KMT2E: variants seen among roughly 807,000 people sequenced by gnomAD.
KMT2E encodes the protein histone reader KMT2E.
Under a neutral mutation model 184.6 loss-of-function variants are expected in KMT2E, and 30 were observed. That is an observed-to-expected ratio of 0.16 (90% CI 0.12 to 0.22). The LOEUF (loss-of-function observed/expected upper bound fraction) is 0.22, where lower values mean the gene tolerates loss of function less well. Ranked by LOEUF, KMT2E falls within the 10% of genes least tolerant of loss-of-function variation. The pLI is 1.00. For synonymous variants in KMT2E, 815 were observed against 776.5 expected (o/e 1.05, Z -0.82); for missense variants, 2,023 against 2,237.4 (o/e 0.90, Z 1.93).
chr7:105,033,083 AC>A (rs1231120791), intron 1 of KMT2E, among the ~76,000 whole-genome samples: 1 of 152,214 alleles, frequency 6.6e-6, no homozygotes, highest in Non-Finnish European at 1.5e-5. Context: ...TGCCTACTCT[AC>A]CCATTGGCAG....
chr7:105,038,851 A>T (rs1795770376), intron 2 of KMT2E, among the ~76,000 whole-genome samples: 1 of 152,278 alleles, frequency 6.6e-6, no homozygotes, highest in Admixed American at 6.5e-5. Flanking sequence ...CAAATAGTGA[A>T]ATACTTGCCT....
intron 3 of KMT2E, among the ~76,000 whole-genome samples, chr7:105,049,760 C>T (rs1170580656): frequency 6.6e-6 from 1 of 151,896 alleles, no homozygotes; most frequent in Non-Finnish European, 1.5e-5. Flanking sequence ...GCTGTAGTGG[C>T]GGGCGCCTGT....
rs1799481452 is a variant in KMT2E, at chr7:105,114,103, A to C, written c.*770A>C. 6.6e-6 allele frequency: 1 copy of C among 152,596 alleles called. No homozygotes were observed. Among genetic ancestry groups the C allele is most frequent in the Non-Finnish European group, 1.5e-5 (1 of 68,046 alleles). The allele number at this position is 152,596 out of a possible 1,614,324, so 9.5% of individuals were successfully genotyped here. ...CAGTTTTACCAGATTGTCCTGTACA[A>C]CTTCTAAGATCGGGATCTGTGTGTT... On this transcript the variant is annotated 3_prime_UTR_variant, in exon 27 of 27. Transcript: ENST00000311117.
chr7:105,097,792 AGTTAC>A (rs1798476108), intron 15 of KMT2E, among the ~76,000 whole-genome samples: 1 of 152,204 alleles, frequency 6.6e-6, no homozygotes, highest in South Asian at 2.1e-4. Context: ...GCTTCCAGTT[AGTTAC>A]ATGTCTTTAA....
chr7:105,110,961 T>A, intron 26 of KMT2E, 93 bp downstream of exon 26: 1 of 846,366 alleles, frequency 1.2e-6, no homozygotes, highest in Non-Finnish European at 2.0e-6. Context: ...TTCTGCTGTA[T>A]CAAGTATCAA....
Position 105,113,436 on chromosome 7 carries a change from A to G in KMT2E, c.*103A>G, listed in dbSNP as rs1467064239. 1.1e-5 allele frequency: 14 copies of G among 1,240,696 alleles called. No individual in the cohort carries two copies. Among genetic ancestry groups the G allele is most frequent in the Non-Finnish European group, 1.4e-5 (13 of 922,190 alleles). The allele number at this position is 1,240,696 out of a possible 1,614,324, so 76.9% of individuals were successfully genotyped here. On this transcript the variant is annotated 3_prime_UTR_variant, in exon 27 of 27. Transcript: ENST00000311117. Reference sequence around the variant, plus strand: ...TTAAAGCTTGTACATGAACCTTTGTATAAAAAACACCAGTGCTCTTTCGTT... The same window carrying G: ...TTAAAGCTTGTACATGAACCTTTGTGTAAAAAACACCAGTGCTCTTTCGTT...
In KMT2E at chr7:105,112,487, T is replaced by G; in HGVS notation, c.4731T>G (p.Ser1577=). 6.2e-7 allele frequency: 1 copy of G among 1,614,082 alleles called. No homozygotes were observed. Among genetic ancestry groups the G allele is most frequent in the Non-Finnish European group, 8.5e-7 (1 of 1,180,018 alleles). Reference sequence around the variant, plus strand: ...ATAATCAGCTCAAAGGTAGTCTTTCTCAACAAACTGTGTTTACATCAGGAC... The same window carrying G: ...ATAATCAGCTCAAAGGTAGTCTTTCGCAACAAACTGTGTTTACATCAGGAC... ...QNYNQLKGSL[S]QQTVFTSGPN... The change falls in exon 27 of 27, where the codon TCT becomes TCG. Residue 1577 remains serine, a synonymous_variant. Coordinates refer to ENST00000311117, the MANE Select transcript of KMT2E (RefSeq NM_182931.3).
intron 1 of KMT2E, among the ~76,000 whole-genome samples, chr7:105,027,268 T>C (rs1795212950): frequency 6.6e-6 from 1 of 151,928 alleles, no homozygotes; most frequent in South Asian, 2.1e-4. Flanking sequence ...AAATTTTTTT[T>C]TGTAGAGATA....
chr7:105,037,757 T>C (rs111453595), intron 1 of KMT2E, among the ~76,000 whole-genome samples: 1 of 152,228 alleles, frequency 6.6e-6, no homozygotes, highest in Non-Finnish European at 1.5e-5. Flanking sequence ...TTTTTGCCTT[T>C]TACTTCATTT....
Position 105,043,531 on chromosome 7 carries a change from C to T in KMT2E, c.71+2508C>T, listed in dbSNP as rs1029992748. Among the ~76,000 whole-genome samples, 8 of 152,116 alleles carry T rather than the reference C, an allele frequency of 5.3e-5. No individual in the cohort carries two copies. In the East Asian group the frequency reaches 5.8e-4, roughly 11 times the overall value. ...GATTACAGGCGTGAGCCACCGCGCC[C>T]GGCCACTTACTTAAATTTCTGCATT... On this transcript the variant is annotated intron_variant, in intron 3 of 26. Transcript: ENST00000311117.
At position 105,020,460 on chromosome 7, in the gene KMT2E, C is replaced by G. The variant is rs764954240; in HGVS notation, c.-189+5925C>G. Among the ~76,000 whole-genome samples, 50 of 151,954 alleles carry G rather than the reference C, an allele frequency of 3.3e-4. 1 individual carries two copies. The highest frequency in any genetic ancestry group is 7.4e-5 in the Non-Finnish European group (5 of 68,000). Reference sequence around the variant, plus strand: ...ATTAGCTGGGCTTGGTGGCGGGTGCCTGTAATCCCAGCTACTTGGGAGGCT... The same window carrying G: ...ATTAGCTGGGCTTGGTGGCGGGTGCGTGTAATCCCAGCTACTTGGGAGGCT... On this transcript the variant is annotated intron_variant, in intron 1 of 26. Transcript: ENST00000311117.
intron 1 of KMT2E, among the ~76,000 whole-genome samples, chr7:105,023,220 C>T (rs1009403157): frequency 6.6e-6 from 1 of 151,694 alleles, no homozygotes; most frequent in Admixed American, 6.6e-5. Context: ...ATAAAAAAAT[C>T]CATTACCCCG....
rs66946883 is a variant in KMT2E, at chr7:105,064,164, G to GTTTTTTTTTTT, written c.416+602_416+612dup. On this transcript the variant is annotated intron_variant, in intron 5 of 26. Transcript: ENST00000311117. ...GGTTTTGTATCATTTTTTTTTCTTG[G>GTTTTTTTTTTT]TTTTTTTTTTTTTTTTTTTTTTTTT... 77 of 76,152 alleles carry GTTTTTTTTTTT rather than the reference G, an allele frequency of 1.0e-3. 4 individuals are homozygous for GTTTTTTTTTTT. The highest frequency in any genetic ancestry group is 4.4e-3 in the East Asian group (6 of 1,366). The allele number at this position is 76,152 out of a possible 1,614,324, so 4.7% of individuals were successfully genotyped here. A position where few individuals can be genotyped will look rare whatever the true frequency, so the allele number is the denominator to read the frequency against.
intron 15 of KMT2E, among the ~76,000 whole-genome samples, chr7:105,096,778 G>A (rs1798429397): frequency 6.6e-6 from 1 of 152,230 alleles, no homozygotes; most frequent in Non-Finnish European, 1.5e-5. Flanking sequence ...CTTCCCTGTA[G>A]TTCAGGTAAT....
intron 5 of KMT2E, chr7:105,064,164 GTTTT>G (rs66946883): frequency 0.019 from 1,456 of 75,782 alleles, no homozygotes; most frequent in South Asian, 0.049. Flanking sequence ...TTTTTTCTTG[GTTTT>G]TTTTTTTTTT....
At chr7:105,024,120 A>G (rs1412926250) in intron 1 of KMT2E, among the ~76,000 whole-genome samples, 1 of 152,142 alleles carries the variant, frequency 6.6e-6, no homozygotes, top group African/African-American at 2.4e-5. Flanking sequence ...AGACAGGAGA[A>G]GAAAATTTTG....
At chr7:105,016,126 C>G (rs1181028869) in intron 1 of KMT2E, among the ~76,000 whole-genome samples, 1 of 152,152 alleles carries the variant, frequency 6.6e-6, no homozygotes, top group Admixed American at 6.5e-5. Flanking sequence ...TAAGACATTT[C>G]CCAACCACCT....
Position 105,107,433 on chromosome 7 carries a change from G to A in KMT2E, c.2976G>A (p.Leu992=), listed in dbSNP as rs139355504. Residue 992 remains leucine, a synonymous_variant, in exon 22 of 27, where the codon CTG becomes CTA. Transcript: ENST00000311117. ...FRNSNLTELG[L]QEIKTIGYTS... The stretch of plus-strand genomic sequence containing the variant: ...ATTCTAATTTAACTGAACTGGGTCT[G>A]CAAGAAATAAAGACTATTGGTTATA... The A allele has an allele frequency of 6.2e-7, 1 of 1,613,460 alleles. No individual in the cohort carries two copies. The highest frequency in any genetic ancestry group is 8.5e-7 in the Non-Finnish European group (1 of 1,179,740).
At position 105,101,920 on chromosome 7, in the gene KMT2E, C is replaced by A; in HGVS notation, c.1922C>A (p.Thr641Asn). 1 of 1,611,440 alleles carries A rather than the reference C, an allele frequency of 6.2e-7. No individual in the cohort carries two copies. The highest frequency in any genetic ancestry group is 8.5e-7 in the Non-Finnish European group (1 of 1,179,276). The change falls in exon 17 of 27, where the codon ACC (threonine) becomes AAC (asparagine). Residue 641 changes from threonine (T) to asparagine (N), a missense_variant. Physicochemically the swap from Thr to Asn is moderately conservative, Grantham distance 65. Coordinates refer to ENST00000311117, the MANE Select transcript of KMT2E (RefSeq NM_182931.3). ...AAAGAAGAAAATGCTAGCAAGCCAA[C>A]CCCTGCCAAAGTAAATAGAACTAAA... ...QAKEENASKP[T>N]PAKVNRTKQR... is the part of the protein sequence containing the mutation.
Sources: allele counts gnomAD v4.1 joint callset (sites outside exome capture counted in the v4.1 genomes callset), GRCh38; gene constraint gnomAD v4.1.1; transcripts MANE v1.5; gene names NCBI Gene and HGNC (gene_info 2026-07-23, HGNC 2026-07-21).